MAP3K20: variants seen among roughly 807,000 people sequenced by gnomAD.
MAP3K20 encodes mitogen-activated protein kinase kinase kinase 20, also known as HCCS-4.
MAP3K20 carries 40 observed loss-of-function variants against 85.7 expected under a neutral mutation model. The ratio of observed to expected loss-of-function variants is 0.47; its 90% confidence interval spans 0.36 to 0.61. The LOEUF (loss-of-function observed/expected upper bound fraction) is 0.61, where lower values mean the gene tolerates loss of function less well. Ranked by LOEUF, MAP3K20 falls within the 20% of genes least tolerant of loss-of-function variation. The pLI, the probability that MAP3K20 is intolerant of heterozygous loss-of-function variation, is 0.00. For missense variants in MAP3K20, 817 were observed against 961.7 expected, an observed-to-expected ratio of 0.85 and a Z score of 1.99; for synonymous variants, 325 against 327.7, an observed-to-expected ratio of 0.99 and a Z score of 0.09.
intron 2 of MAP3K20, among the ~76,000 whole-genome samples, chr2:173,112,641 T>C (rs920526293): frequency 6.6e-6 from 1 of 152,214 alleles, no homozygotes; most frequent in Non-Finnish European, 1.5e-5. Context: ...CTGGATTTTG[T>C]TGAATGCTTT....
At chr2:173,134,619 G>A (rs1443208184) in intron 2 of MAP3K20, among the ~76,000 whole-genome samples, 8 of 149,672 alleles carry the variant, frequency 5.3e-5, no homozygotes, top group South Asian at 2.1e-4. Context: ...TTACTTTAAC[G>A]CTGCCCATTG....
chr2:173,242,315 G>A (rs572153257), intron 16 of MAP3K20, among the ~76,000 whole-genome samples: 13 of 151,504 alleles, frequency 8.6e-5, no homozygotes, highest in South Asian at 8.4e-4. Context: ...GATTACAGTC[G>A]CGTGCCAACA....
At chr2:173,200,946 A>G (rs1230650298) in intron 8 of MAP3K20, among the ~76,000 whole-genome samples, 1 of 152,196 alleles carries the variant, frequency 6.6e-6, no homozygotes, top group Non-Finnish European at 1.5e-5. Flanking sequence ...AAGTTTTTTA[A>G]ATTAACAAAA....
intron 11 of MAP3K20, chr2:173,221,718 A>G: frequency 7.6e-7 from 1 of 1,308,020 alleles, no homozygotes; most frequent in Non-Finnish European, 9.7e-7. Context: ...AAACGGGGGG[A>G]GAATTAAGCC....
At chr2:173,151,923 A>G (rs1303748899) in intron 2 of MAP3K20, among the ~76,000 whole-genome samples, 1 of 152,210 alleles carries the variant, frequency 6.6e-6, no homozygotes, top group Non-Finnish European at 1.5e-5. Flanking sequence ...TCAGCTTACA[A>G]CTTCTGAAAC....
At chr2:173,166,255 A>G (rs1050914269) in intron 2 of MAP3K20, among the ~76,000 whole-genome samples, 1 of 152,252 alleles carries the variant, frequency 6.6e-6, no homozygotes, top group Non-Finnish European at 1.5e-5. Context: ...GATGCAGTGC[A>G]TATCCAAACT....
chr2:173,209,679 A>G lies in MAP3K20; in HGVS notation c.745-50A>G, dbSNP rs2289396. 0.65 allele frequency: 961,455 copies of G among 1,486,884 alleles called. 319,552 individuals carry two copies. The highest frequency in any genetic ancestry group is 0.69 in the Non-Finnish European group (754,279 of 1,092,894). 92.1% of individuals were successfully genotyped at this position (1,486,884 alleles called of 1,614,324 possible). On this transcript the variant is annotated intron_variant, in intron 9 of 19. Coordinates refer to ENST00000375213, the MANE Select transcript of MAP3K20 (RefSeq NM_016653.3). ...GTAGTATCTACGTTTTCTCTTAAAT[A>G]TCTCCTTTCTTAAGTCCCAGCGAAT...
chr2:173,234,804 T>C (rs1254011218), intron 14 of MAP3K20, among the ~76,000 whole-genome samples: 16 of 152,106 alleles, frequency 1.1e-4, no homozygotes, highest in Admixed American at 1.0e-3. Flanking sequence ...GCTTACAACT[T>C]CAGGCTGGGG....
chr2:173,239,410 G>A lies in MAP3K20; in HGVS notation c.1273G>A (p.Gly425Arg). The A allele has an allele frequency of 1.9e-6, 3 of 1,612,100 alleles. No individual in the cohort carries two copies. Among genetic ancestry groups the A allele is most frequent in the African/African-American group, 2.7e-5 (2 of 74,862 alleles). ...FHFPPLIKDS[G>R]GEPEENEEKI... ...GCTTGGTTTCCTGTTTTAGGACTCA[G>A]GAGGTGAACCTGAAGAAAATGAGGA... The change falls in exon 16 of 20, where the codon GGA becomes AGA. Residue 425 changes from glycine to arginine, a missense_variant. This residue lies in a region of MAP3K20 where 454 missense variants were observed against 476.9 expected (regional missense o/e 0.95). Coordinates refer to ENST00000375213, the MANE Select transcript of MAP3K20 (RefSeq NM_016653.3).
At chr2:173,242,661 C>G (rs1684815414) in intron 16 of MAP3K20, among the ~76,000 whole-genome samples, 1 of 149,088 alleles carries the variant, frequency 6.7e-6, no homozygotes, top group East Asian at 2.0e-4. Flanking sequence ...GGTTTTGATC[C>G]TCTGCTGTTC....
chr2:173,264,337 A>C (rs1449564430), intron 19 of MAP3K20, among the ~76,000 whole-genome samples: 1 of 152,186 alleles, frequency 6.6e-6, no homozygotes, highest in East Asian at 1.9e-4. Context: ...AACCATATTC[A>C]GAGAGTGGAA....
At chr2:173,220,641 A>G (rs1048264876) in intron 11 of MAP3K20, among the ~76,000 whole-genome samples, 1 of 152,218 alleles carries the variant, frequency 6.6e-6, no homozygotes, top group Admixed American at 6.5e-5. Context: ...ATAAAAAGGG[A>G]GTTAATAACC....
At chr2:173,090,814 T>G in intron 1 of MAP3K20, 184 bp from the exon 2 acceptor site, 1 of 1,232,214 alleles carries the variant, frequency 8.1e-7, no homozygotes, top group South Asian at 2.5e-5. Context: ...TTGTTGAATT[T>G]TGCGTGGGCT....
Position 173,169,933 on chromosome 2 carries a change from C to T in MAP3K20, c.247+41C>T, listed in dbSNP as rs1386679165. ...TTGACTTCTTTCTTTTTCCAATTACCTAGCTTTAGATTCCTTAATATGCTA... is the reference window on the plus strand; with the variant it reads ...TTGACTTCTTTCTTTTTCCAATTACTTAGCTTTAGATTCCTTAATATGCTA... On this transcript the variant is annotated intron_variant, in intron 3 of 19. Coordinates refer to ENST00000375213, the MANE Select transcript of MAP3K20 (RefSeq NM_016653.3). The T allele has an allele frequency of 1.9e-6, 3 of 1,567,618 alleles. No individual in the cohort carries two copies. In the Middle Eastern group the frequency reaches 5.0e-4, roughly 262 times the overall value.
chr2:173,131,589 G>A (rs1264183621), intron 2 of MAP3K20, among the ~76,000 whole-genome samples: 1 of 152,120 alleles, frequency 6.6e-6, no homozygotes, highest in Non-Finnish European at 1.5e-5. Flanking sequence ...GGCTAGGCAG[G>A]GTTCTTTATT....
chr2:173,262,694 T>C (rs1685325022), intron 18 of MAP3K20, among the ~76,000 whole-genome samples: 1 of 152,246 alleles, frequency 6.6e-6, no homozygotes, highest in South Asian at 2.1e-4. Context: ...CAGTTATTTA[T>C]CCTCACCTGC....
At chr2:173,093,944 T>A (rs1032463629) in intron 2 of MAP3K20, among the ~76,000 whole-genome samples, 3 of 131,534 alleles carry the variant, frequency 2.3e-5, no homozygotes, top group South Asian at 2.4e-4. Context: ...AACAATGAGA[T>A]CACATGGACA....
intron 2 of MAP3K20, among the ~76,000 whole-genome samples, chr2:173,111,338 T>A (rs148013594): frequency 0.034 from 5,133 of 152,270 alleles, 314 homozygotes; most frequent in African/African-American, 0.12. Flanking sequence ...TTGTGAGATG[T>A]ATAGATTGTG....
intron 14 of MAP3K20, among the ~76,000 whole-genome samples, chr2:173,232,831 T>A (rs1356241325): frequency 6.6e-6 from 1 of 152,178 alleles, no homozygotes; most frequent in African/African-American, 2.4e-5. Context: ...ATTGAGCACC[T>A]ACTATGCAGC....
Sources: allele counts gnomAD v4.1 joint callset (sites outside exome capture counted in the v4.1 genomes callset), GRCh38; gene constraint gnomAD v4.1.1; regional missense constraint gnomAD v4.1.1; transcripts MANE v1.5; gene names NCBI Gene and HGNC (gene_info 2026-07-23, HGNC 2026-07-21).